RANBP2: variants seen among roughly 807,000 people sequenced by gnomAD.
The protein encoded by RANBP2 is E3 SUMO-protein ligase RanBP2.
In RANBP2, 57 loss-of-function variants were observed where a neutral mutation model predicts 303.6. The observed-to-expected ratio is 0.19, with a 90% confidence interval of 0.15 to 0.23. RANBP2 has a LOEUF of 0.23. Ranked by LOEUF, RANBP2 falls within the 10% of genes least tolerant of loss-of-function variation. The pLI is 1.00. For synonymous variants in RANBP2, 1,167 were observed against 1,301.5 expected (o/e 0.90, Z 2.23); for missense variants, 3,138 against 3,780.8 (o/e 0.83, Z 4.46).
the RANBP2 span, among the ~76,000 whole-genome samples, chr2:108,878,863 A>G: frequency 3.9e-5 from 6 of 152,220 alleles, no homozygotes; most frequent in Non-Finnish European, 8.8e-5. Context: ...TGTAAGATAA[A>G]GAATCCTTTT....
At chr2:109,403,636 G>T in the RANBP2 span, among the ~76,000 whole-genome samples, 6 of 152,228 alleles carry the variant, frequency 3.9e-5, no homozygotes, top group Non-Finnish European at 7.3e-5. Flanking sequence ...CCCCTGCTTT[G>T]CTTTTCTTTT....
At chr2:109,607,351 A>G in the RANBP2 span, among the ~76,000 whole-genome samples, 1 of 152,202 alleles carries the variant, frequency 6.6e-6, no homozygotes, top group Non-Finnish European at 1.5e-5. Context: ...CAAATCTAGT[A>G]GCAGACTCAG....
the RANBP2 span, among the ~76,000 whole-genome samples, chr2:109,167,641 G>A: frequency 1.3e-5 from 2 of 152,086 alleles, no homozygotes; most frequent in African/African-American, 4.8e-5. Context: ...GCACGATCTC[G>A]GCTCACTGCA....
the RANBP2 span, among the ~76,000 whole-genome samples, chr2:109,359,143 T>C: frequency 1.6e-3 from 240 of 152,370 alleles, no homozygotes; most frequent in African/African-American, 5.1e-3. Flanking sequence ...TCTAGTTGTC[T>C]ATTGCATTGC....
chr2:109,501,814 G>C, the RANBP2 span: 1 of 609,490 alleles, frequency 1.6e-6, no homozygotes, highest in Non-Finnish European at 2.9e-6. Context: ...CCCAGGGTGG[G>C]GGCCAGGGAC....
At chr2:109,536,032 G>A in the RANBP2 span, among the ~76,000 whole-genome samples, 1 of 128,584 alleles carries the variant, frequency 7.8e-6, no homozygotes, top group Non-Finnish European at 1.7e-5. Context: ...CCAGGCAGAA[G>A]TTGCTGCAGT....
the RANBP2 span, among the ~76,000 whole-genome samples, chr2:109,058,005 G>C: frequency 2.6e-5 from 4 of 152,220 alleles, no homozygotes; most frequent in Non-Finnish European, 4.4e-5. Flanking sequence ...GGCAGGAGCA[G>C]AATCTATCCT....
the RANBP2 span, among the ~76,000 whole-genome samples, chr2:109,369,642 C>T: frequency 1.3e-5 from 2 of 152,180 alleles, no homozygotes; most frequent in Non-Finnish European, 2.9e-5. Context: ...TCTACTTGTT[C>T]TCCTGGGAGA....
chr2:108,804,013 G>A, the RANBP2 span, among the ~76,000 whole-genome samples: 1 of 152,056 alleles, frequency 6.6e-6, no homozygotes, highest in East Asian at 1.9e-4. Context: ...TAGAATATTG[G>A]ATTTTTTTCA....
At chr2:109,525,601 C>T in the RANBP2 span, among the ~76,000 whole-genome samples, 822 of 152,262 alleles carry the variant, frequency 5.4e-3, 6 homozygotes, top group African/African-American at 0.019. Context: ...GTCCAGCACC[C>T]GGCATTCAGG....
intron 9 of RANBP2, among the ~76,000 whole-genome samples, chr2:108,750,340 C>T (rs1277563335): frequency 2.0e-5 from 3 of 152,186 alleles, no homozygotes; most frequent in Non-Finnish European, 4.4e-5. Context: ...TTGCTTGCTA[C>T]TTTCTGTTAT....
chr2:109,614,771 G>A, the RANBP2 span: 21 of 1,478,618 alleles, frequency 1.4e-5, no homozygotes, highest in Non-Finnish European at 1.8e-5. Context: ...CCGGGGACCC[G>A]CCGCGAATCC....
At chr2:109,006,762 G>T in the RANBP2 span, among the ~76,000 whole-genome samples, 1 of 152,166 alleles carries the variant, frequency 6.6e-6, no homozygotes, top group Non-Finnish European at 1.5e-5. Flanking sequence ...ATTTTCTAGC[G>T]CATCCCAGGC....
At chr2:108,990,299 C>T in the RANBP2 span, among the ~76,000 whole-genome samples, 189 of 151,666 alleles carry the variant, frequency 1.2e-3, no homozygotes, top group African/African-American at 4.4e-3. Flanking sequence ...GGCGTGGTGG[C>T]GGGCGCCTGT....
chr2:108,953,775 A>G, the RANBP2 span, among the ~76,000 whole-genome samples: 7 of 152,198 alleles, frequency 4.6e-5, no homozygotes, highest in Non-Finnish European at 7.3e-5. Flanking sequence ...TGGCAGGTGG[A>G]GAGGCCAGTT....
At chr2:109,134,582 C>T in the RANBP2 span, among the ~76,000 whole-genome samples, 1 of 152,182 alleles carries the variant, frequency 6.6e-6, no homozygotes, top group Non-Finnish European at 1.5e-5. Flanking sequence ...TCATCTGGTC[C>T]TTACTGCAAC....
the RANBP2 span, among the ~76,000 whole-genome samples, chr2:109,555,632 C>T: frequency 3.3e-4 from 50 of 152,324 alleles, no homozygotes; most frequent in African/African-American, 1.2e-3. Flanking sequence ...ACGACCCAGG[C>T]ACAAGTGTTT....
chr2:109,265,871 A>G, the RANBP2 span, among the ~76,000 whole-genome samples: 2 of 152,186 alleles, frequency 1.3e-5, no homozygotes, highest in Non-Finnish European at 1.5e-5. Flanking sequence ...GAGCTGGGGC[A>G]TTGAGACCCT....
At chr2:109,486,240 A>AT in the RANBP2 span, among the ~76,000 whole-genome samples, 1 of 152,212 alleles carries the variant, frequency 6.6e-6, no homozygotes, top group Non-Finnish European at 1.5e-5. Context: ...CTGTATCAGA[A>AT]TCATTTTTTG....
Sources: allele counts gnomAD v4.1 joint callset (sites outside exome capture counted in the v4.1 genomes callset), GRCh38; gene constraint gnomAD v4.1.1; transcripts MANE v1.5; gene names NCBI Gene and HGNC (gene_info 2026-07-23, HGNC 2026-07-21).